The following COL22A1 variants were observed in gnomAD, a reference collection of about 807,000 sequenced individuals.
COL22A1 encodes the protein collagen alpha-1(XXII) chain.
Under a neutral mutation model 248.9 loss-of-function variants are expected in COL22A1, and 221 were observed. That is an observed-to-expected ratio of 0.89 (90% confidence interval 0.80 to 0.99). The LOEUF (loss-of-function observed/expected upper bound fraction) is 0.99. Among genes scored for constraint, COL22A1 ranks in the 50% least tolerant of loss-of-function variants. The pLI, the probability that COL22A1 is intolerant of heterozygous loss-of-function variation, is 0.00. For missense variants in COL22A1, 2,240 were observed against 2,179.0 expected (o/e 1.03, Z -0.56); for synonymous variants, 891 against 793.4 (o/e 1.12, Z -2.07).
chr8:138,806,151 ATGGTG>A (rs1563788794), intron 10 of COL22A1, among the ~76,000 whole-genome samples: 7 of 50,410 alleles, frequency 1.4e-4, no homozygotes, highest in African/African-American at 1.9e-4. Flanking sequence ...TGTGTGTGTG[ATGGTG>A]TGTGTGTGTG....
At chr8:138,806,139 G>GGT (rs796237344) in intron 10 of COL22A1, among the ~76,000 whole-genome samples, 33 of 64,610 alleles carry the variant, frequency 5.1e-4, no homozygotes, top group Non-Finnish European at 9.2e-4. Context: ...GGTGTGTGGT[G>GGT]GTGTGTGTGT....
intron 38 of COL22A1, 67 bp from the exon 39 acceptor site, chr8:138,684,536 G>T: frequency 2.6e-6 from 3 of 1,151,226 alleles, no homozygotes; most frequent in Non-Finnish European, 2.6e-6. Flanking sequence ...TCCACCACGT[G>T]CCAGGCTGAC....
chr8:138,634,774 C>T (rs1821006744), intron 49 of COL22A1, among the ~76,000 whole-genome samples: 1 of 152,174 alleles, frequency 6.6e-6, no homozygotes, highest in African/African-American at 2.4e-5. Context: ...TTGCCAATGT[C>T]CCCCAGTCCC....
At chr8:138,740,388 G>A (rs1008002730) in intron 22 of COL22A1, among the ~76,000 whole-genome samples, 7 of 152,170 alleles carry the variant, frequency 4.6e-5, no homozygotes, top group African/African-American at 1.7e-4. Flanking sequence ...ATGCCGTTGT[G>A]GTCGGGGGAT....
chr8:138,745,202 T>A (rs77925527), intron 22 of COL22A1, among the ~76,000 whole-genome samples: 2,213 of 151,932 alleles, frequency 0.015, 54 homozygotes, highest in African/African-American at 0.05. Context: ...TTTTTTTTTT[T>A]AAATCTTCCA....
At chr8:138,653,126 G>C (rs1375721705) in intron 45 of COL22A1, among the ~76,000 whole-genome samples, 1 of 152,158 alleles carries the variant, frequency 6.6e-6, no homozygotes, top group African/African-American at 2.4e-5. Context: ...GAAGTACCAA[G>C]TAAGCACTCA....
At chr8:138,782,668 C>T (rs1815122847) in intron 12 of COL22A1, among the ~76,000 whole-genome samples, 1 of 152,212 alleles carries the variant, frequency 6.6e-6, no homozygotes, top group African/African-American at 2.4e-5. Context: ...GTCCCACTGG[C>T]CTCAGGTGTG....
At position 138,899,097 on chromosome 8, in the gene COL22A1, C is replaced by A. The variant is rs1192914169; in HGVS notation, c.-73+14522G>T. Among the ~76,000 whole-genome samples, 4 of 152,158 alleles carry A rather than the reference C, an allele frequency of 2.6e-5. No individual in the cohort carries two copies. The East Asian group carries it at 5.8e-4, about 22-fold the overall frequency. Reference sequence around the variant, plus strand: ...CCATATGTTACTCCTTATTCTAACACCACTCCTGCTGCTTTCTCTCTTCTT... The same window carrying A: ...CCATATGTTACTCCTTATTCTAACAACACTCCTGCTGCTTTCTCTCTTCTT... On this transcript the variant is annotated intron_variant, in intron 1 of 64. Transcript: ENST00000303045.
chr8:138,735,987 C>T (rs1447561507), intron 23 of COL22A1, among the ~76,000 whole-genome samples: 47 of 152,100 alleles, frequency 3.1e-4, no homozygotes, highest in Admixed American at 3.1e-3. Context: ...TACCACAGCT[C>T]CAGGAGGACC....
At chr8:138,742,788 TG>T (rs1175550702) in intron 22 of COL22A1, among the ~76,000 whole-genome samples, 1 of 151,638 alleles carries the variant, frequency 6.6e-6, no homozygotes, top group East Asian at 1.9e-4. Flanking sequence ...GTGATGGTGA[TG>T]GTGGAGTTGA....
intron 49 of COL22A1, among the ~76,000 whole-genome samples, chr8:138,634,776 C>G (rs909289086): frequency 2.0e-5 from 3 of 152,176 alleles, no homozygotes; most frequent in Non-Finnish European, 2.9e-5. Context: ...GCCAATGTCC[C>G]CCAGTCCCAA....
intron 41 of COL22A1, among the ~76,000 whole-genome samples, chr8:138,675,269 A>T (rs1248402170): frequency 6.6e-6 from 1 of 152,210 alleles, no homozygotes; most frequent in Non-Finnish European, 1.5e-5. Context: ...TCTGGATGTA[A>T]GAGAACCACA....
intron 3 of COL22A1, among the ~76,000 whole-genome samples, chr8:138,856,276 G>A (rs1444065296): frequency 1.3e-5 from 2 of 152,202 alleles, no homozygotes; most frequent in Non-Finnish European, 2.9e-5. Flanking sequence ...GTGTGTGCAG[G>A]GCTGCACTGT....
intron 3 of COL22A1, among the ~76,000 whole-genome samples, chr8:138,877,528 G>A (rs1035447280): frequency 1.2e-4 from 19 of 152,170 alleles, no homozygotes; most frequent in Non-Finnish European, 2.6e-4. Context: ...GATGGGAGAA[G>A]ATATCCTTCT....
intron 6 of COL22A1, among the ~76,000 whole-genome samples, chr8:138,822,663 G>A (rs1162517048): frequency 1.3e-5 from 2 of 152,122 alleles, no homozygotes; most frequent in Non-Finnish European, 1.5e-5. Flanking sequence ...CTTCTTCTCG[G>A]CTCCTGGACC....
chr8:138,670,040 C>T (rs1366940539), intron 41 of COL22A1, among the ~76,000 whole-genome samples: 1 of 152,066 alleles, frequency 6.6e-6, no homozygotes, highest in South Asian at 2.1e-4. Context: ...GCACCCACCA[C>T]CACACCCAGC....
At chr8:138,805,943 AT>A (rs1817566793) in intron 10 of COL22A1, among the ~76,000 whole-genome samples, 1 of 108,648 alleles carries the variant, frequency 9.2e-6, no homozygotes. Flanking sequence ...TGTGTGTGTG[AT>A]GGTATATTAT....
At chr8:138,601,022 G>A (rs1022950885) in intron 60 of COL22A1, among the ~76,000 whole-genome samples, 1 of 152,202 alleles carries the variant, frequency 6.6e-6, no homozygotes, top group East Asian at 1.9e-4. Context: ...TGCCATGAAA[G>A]CACTTAACAG....
chr8:138,690,936 C>A, intron 35 of COL22A1, 62 bp from the exon 36 acceptor site: 1 of 1,374,320 alleles, frequency 7.3e-7, no homozygotes, highest in East Asian at 2.5e-5. Context: ...TGCCCCCACT[C>A]TCTCTGCAAA....
Sources: gnomAD v4.1 joint callset for allele counts (sites outside exome capture counted in the v4.1 genomes callset) on GRCh38, gnomAD v4.1.1 for gene constraint, MANE v1.5 for transcripts, NCBI Gene and HGNC (gene_info 2026-07-23, HGNC 2026-07-21) for gene names.